Variants in PALM2AKAP2 observed in about 807,000 individuals in gnomAD.
The protein encoded by PALM2AKAP2 is PALM2-AKAP2 fusion protein.
In PALM2AKAP2, 37 loss-of-function variants were observed where a neutral mutation model predicts 71.5. The observed-to-expected ratio is 0.52, with a 90% CI of 0.40 to 0.68. The LOEUF (loss-of-function observed/expected upper bound fraction) is 0.68, where lower values mean the gene tolerates loss of function less well. Among genes scored for constraint, PALM2AKAP2 ranks in the 30% least tolerant of loss-of-function variants. The pLI is 0.00. For missense variants in PALM2AKAP2, 1,224 were observed against 1,191.8 expected, an observed-to-expected ratio of 1.03 and a Z score of -0.40; for synonymous variants, 468 against 478.8, an observed-to-expected ratio of 0.98 and a Z score of 0.29.
intron 2 of PALM2AKAP2, among the ~76,000 whole-genome samples, chr9:110,149,041 C>T (rs745723745): frequency 2.0e-5 from 3 of 152,318 alleles, no homozygotes; most frequent in East Asian, 1.9e-4. Flanking sequence ...CCTGTCAGCA[C>T]GGCTCGCCAC....
chr9:109,833,093 A>G (rs1828352116), intron 1 of PALM2AKAP2, among the ~76,000 whole-genome samples: 1 of 152,180 alleles, frequency 6.6e-6, no homozygotes, highest in African/African-American at 2.4e-5. Flanking sequence ...ACAGTGGCTC[A>G]CACCTGTAAT....
intron 1 of PALM2AKAP2, among the ~76,000 whole-genome samples, chr9:109,734,465 G>A (rs1003361617): frequency 6.6e-6 from 1 of 152,066 alleles, no homozygotes; most frequent in Non-Finnish European, 1.5e-5. Context: ...TCCTTTATTT[G>A]TCACATTTCA....
intron 1 of PALM2AKAP2, among the ~76,000 whole-genome samples, chr9:109,680,772 A>G (rs1252882598): frequency 6.6e-6 from 1 of 152,202 alleles, no homozygotes; most frequent in Admixed American, 6.5e-5. Flanking sequence ...TATAATATGA[A>G]AGTGTCTGTG....
intron 1 of PALM2AKAP2, among the ~76,000 whole-genome samples, chr9:109,842,387 G>A (rs1048183575): frequency 1.3e-5 from 2 of 152,236 alleles, no homozygotes; most frequent in African/African-American, 2.4e-5. Flanking sequence ...ACGGGAAGGG[G>A]TTGGGAGCTC....
At chr9:110,135,937 T>TA (rs1021164724) in intron 1 of PALM2AKAP2, among the ~76,000 whole-genome samples, 190 bp from the exon 8 acceptor site, 3 of 152,150 alleles carry the variant, frequency 2.0e-5, no homozygotes, top group Non-Finnish European at 4.4e-5. Context: ...ATCCATAAAT[T>TA]AGAGAGGATT....
intron 6 of PALM2AKAP2, among the ~76,000 whole-genome samples, chr9:110,008,343 G>A (rs1269734670): frequency 6.6e-6 from 1 of 151,932 alleles, no homozygotes; most frequent in African/African-American, 2.4e-5. Flanking sequence ...ACAGAGAGTG[G>A]CCCAAAAGAA....
At chr9:109,702,922 G>A (rs938967098) in intron 1 of PALM2AKAP2, among the ~76,000 whole-genome samples, 6 of 151,732 alleles carry the variant, frequency 4.0e-5, no homozygotes, top group South Asian at 2.1e-4. Context: ...AGGTTCAAGC[G>A]ATTTTCCTGC....
chr9:109,804,738 T>C (rs1827527939), intron 1 of PALM2AKAP2, among the ~76,000 whole-genome samples: 1 of 152,194 alleles, frequency 6.6e-6, no homozygotes, highest in Non-Finnish European at 1.5e-5. Context: ...CCTTCCAGGA[T>C]AAAGGATTTT....
chr9:110,168,630 C>T, exon 4 of PALM2AKAP2: 1 of 1,023,470 alleles, frequency 9.8e-7, no homozygotes. Context: ...AGACCAGAAG[C>T]TGCAATATAC....
At chr9:109,836,547 G>A (rs1356361395) in intron 1 of PALM2AKAP2, among the ~76,000 whole-genome samples, 1 of 152,248 alleles carries the variant, frequency 6.6e-6, no homozygotes, top group Admixed American at 6.5e-5. Flanking sequence ...TTGATGAGTT[G>A]AGAGAAGAAG....
At chr9:109,780,386 C>A (rs1829421732), upstream of PALM2AKAP2, 1 of 1,604,912 alleles carries the variant, frequency 6.2e-7, no homozygotes, top group African/African-American at 1.3e-5. Flanking sequence ...GGCGTTCTCC[C>A]GGGTTCTAGC....
intron 1 of PALM2AKAP2, among the ~76,000 whole-genome samples, chr9:110,114,661 T>G (rs1340663078): frequency 1.3e-5 from 2 of 152,164 alleles, no homozygotes; most frequent in Non-Finnish European, 2.9e-5. Context: ...TAAACAAACG[T>G]AGAACAAAGA....
intron 1 of PALM2AKAP2, among the ~76,000 whole-genome samples, chr9:109,840,671 G>GA (rs921070396): frequency 3.9e-5 from 6 of 151,984 alleles, no homozygotes; most frequent in Non-Finnish European, 1.5e-5. Context: ...AAATTTACAA[G>GA]AAAAAAACAA....
intron 1 of PALM2AKAP2, among the ~76,000 whole-genome samples, chr9:110,130,420 A>T (rs1835707605): frequency 6.6e-6 from 1 of 152,182 alleles, no homozygotes; most frequent in South Asian, 2.1e-4. Context: ...AGACATAGGC[A>T]CCTGTGTTGT....
chr9:110,152,186 C>A (rs1836332303), intron 2 of PALM2AKAP2, among the ~76,000 whole-genome samples: 1 of 151,888 alleles, frequency 6.6e-6, no homozygotes, highest in Non-Finnish European at 1.5e-5. Flanking sequence ...GCAATGAACC[C>A]AGATCACTGC....
rs377633070 is a variant in PALM2AKAP2 at position 109,746,635 on chromosome 9, A to G, written c.6-33853A>G. 2.4e-3 allele frequency among the ~76,000 whole-genome samples: 363 copies of G among 152,306 alleles called. 1 individual carries two copies. The highest frequency in any genetic ancestry group is 8.0e-3 in the African/African-American group (332 of 41,568). ...GTGCTAGCCCAGTAGAGAGACACCA[A>G]TGATATCCCCAGGAGGTGGAAGGGA... On this transcript the variant is annotated intron_variant, in intron 1 of 6. Transcript: ENST00000374531.
intron 1 of PALM2AKAP2, among the ~76,000 whole-genome samples, chr9:109,667,607 TG>T (rs1427437451): frequency 3.3e-5 from 5 of 152,062 alleles, no homozygotes; most frequent in South Asian, 2.1e-4. Flanking sequence ...CTGGCCAACA[TG>T]GTGAAACCCC....
At chr9:110,147,217 C>G (rs1001612559) in intron 2 of PALM2AKAP2, among the ~76,000 whole-genome samples, 2 of 149,924 alleles carry the variant, frequency 1.3e-5, no homozygotes, top group African/African-American at 4.9e-5. Flanking sequence ...CTACTGCACT[C>G]CAACCTGGGC....
At chr9:109,972,767 C>T (rs2132160773) in intron 6 of PALM2AKAP2, among the ~76,000 whole-genome samples, 1 of 152,302 alleles carries the variant, frequency 6.6e-6, no homozygotes. Flanking sequence ...AGTTCACAAA[C>T]ATTACCTTGC....
Sources: allele counts gnomAD v4.1 joint callset (sites outside exome capture counted in the v4.1 genomes callset), GRCh38; gene constraint gnomAD v4.1.1; transcripts MANE v1.5; gene names NCBI Gene and HGNC (gene_info 2026-07-23, HGNC 2026-07-21).